The following PPFIA2 variants were observed in gnomAD, a reference collection of about 807,000 sequenced individuals.
The protein encoded by PPFIA2 is PPFI scaffold protein A2.
In PPFIA2, 46 loss-of-function variants were observed where a neutral mutation model predicts 175.5. The observed-to-expected ratio is 0.26, with a 90% CI of 0.21 to 0.34. The LOEUF is 0.34. Among genes scored for constraint, PPFIA2 ranks in the 10% least tolerant of loss-of-function variants. PPFIA2 has a pLI of 1.00. For synonymous variants in PPFIA2, 568 were observed against 511.4 expected, an observed-to-expected ratio of 1.11 and a Z score of -1.49; for missense variants, 1,179 against 1,506.1, an observed-to-expected ratio of 0.78 and a Z score of 3.60.
intron 3 of PPFIA2, among the ~76,000 whole-genome samples, chr12:81,740,461 T>C (rs1301468365): frequency 6.6e-6 from 1 of 152,172 alleles, no homozygotes. Context: ...AGGTGTGTGA[T>C]CTACTTAGAG....
chr12:81,748,573 C>T lies in PPFIA2; in HGVS notation c.249+5400G>A, dbSNP rs188250963. 1.4e-5 allele frequency among the ~76,000 whole-genome samples: 2 copies of T among 144,812 alleles called. 1 individual carries two copies. Among genetic ancestry groups the T allele is most frequent in the East Asian group, 4.3e-4 (2 of 4,690 alleles). Reference sequence around the variant, plus strand: ...ATGGCCCCAGTTGGCTCAGCCAAGGCTGTCCTGGATCAGAATCAGACAACA... The same window carrying T: ...ATGGCCCCAGTTGGCTCAGCCAAGGTTGTCCTGGATCAGAATCAGACAACA... On this transcript the variant is annotated intron_variant, in intron 3 of 32. Coordinates refer to ENST00000549396, the MANE Select transcript of PPFIA2 (RefSeq NM_003625.5).
chr12:81,536,133 T>C (rs1012990700), intron 4 of PPFIA2, among the ~76,000 whole-genome samples: 2 of 151,774 alleles, frequency 1.3e-5, no homozygotes, highest in African/African-American at 2.4e-5. Flanking sequence ...ACTATGAGAA[T>C]TAATTACCAA....
At position 81,281,283 on chromosome 12, in the gene PPFIA2, A is replaced by G; in HGVS notation, c.3186T>C (p.His1062=). Residue 1062 remains histidine (H), a synonymous_variant, in exon 27 of 33, where the codon CAT becomes CAC. Transcript: ENST00000549396. The part of the protein sequence containing the change: ...DHLTKKDLRV[H]LKMVDSFHRT... Reference sequence around the variant, plus strand: ...GATGGAAACTATCCACCATTTTTAAATGGACACGGAGATCTTTTTTTGTTA... The same window carrying G: ...GATGGAAACTATCCACCATTTTTAAGTGGACACGGAGATCTTTTTTTGTTA... 1 of 1,605,340 alleles carries G rather than the reference A, an allele frequency of 6.2e-7. No homozygotes were observed. The highest frequency in any genetic ancestry group is 2.2e-5 in the East Asian group (1 of 44,712).
At chr12:81,379,655 T>C (rs1485308830) in intron 9 of PPFIA2, among the ~76,000 whole-genome samples, 2 of 152,212 alleles carry the variant, frequency 1.3e-5, no homozygotes, top group African/African-American at 4.8e-5. Context: ...TTTTCTAATT[T>C]GAGTGCTGTG....
intron 4 of PPFIA2, among the ~76,000 whole-genome samples, chr12:81,507,746 G>A (rs779432529): frequency 1.2e-4 from 19 of 152,114 alleles, no homozygotes; most frequent in Non-Finnish European, 2.5e-4. Flanking sequence ...TACTGCTAGA[G>A]GAGTCCTTTT....
intron 5 of PPFIA2, among the ~76,000 whole-genome samples, chr12:81,446,471 A>T (rs1254400005): frequency 1.3e-5 from 2 of 152,134 alleles, no homozygotes; most frequent in Non-Finnish European, 2.9e-5. Context: ...GGGGTTTCAT[A>T]TTTGCTTTCA....
intron 4 of PPFIA2, among the ~76,000 whole-genome samples, chr12:81,618,109 T>C (rs144754975): frequency 6.6e-6 from 1 of 152,272 alleles, no homozygotes; most frequent in East Asian, 1.9e-4. Context: ...CAGTTAAGTG[T>C]CTGTGCAAAC....
chr12:81,570,637 T>C (rs2072338737), intron 4 of PPFIA2, among the ~76,000 whole-genome samples: 1 of 151,426 alleles, frequency 6.6e-6, no homozygotes, highest in South Asian at 2.1e-4. Flanking sequence ...TCATCAGTTG[T>C]GAAAATTTTT....
intron 15 of PPFIA2, among the ~76,000 whole-genome samples, chr12:81,359,711 CT>C (rs1442135842): frequency 1.3e-5 from 2 of 151,792 alleles, no homozygotes; most frequent in Non-Finnish European, 1.5e-5. Context: ...CTTAATGTCC[CT>C]TTAGGCATCA....
intron 3 of PPFIA2, among the ~76,000 whole-genome samples, chr12:81,726,736 A>T (rs778085381): frequency 2.6e-5 from 4 of 151,358 alleles, no homozygotes; most frequent in Non-Finnish European, 3.0e-5. Flanking sequence ...AAAAGATTAT[A>T]TGGCCTGCCT....
chr12:81,661,098 A>G (rs1184517511), intron 4 of PPFIA2, among the ~76,000 whole-genome samples: 1 of 152,242 alleles, frequency 6.6e-6, no homozygotes, highest in Non-Finnish European at 1.5e-5. Flanking sequence ...AAAACATGCC[A>G]AATTGTAAAG....
intron 3 of PPFIA2, among the ~76,000 whole-genome samples, chr12:81,704,211 A>G (rs1483928432): frequency 1.3e-5 from 2 of 152,162 alleles, no homozygotes; most frequent in Non-Finnish European, 2.9e-5. Flanking sequence ...TGTGCAAATT[A>G]TAACATTAAA....
At chr12:81,343,484 T>G (rs2058504700) in intron 19 of PPFIA2, among the ~76,000 whole-genome samples, 1 of 152,030 alleles carries the variant, frequency 6.6e-6, no homozygotes, top group Non-Finnish European at 1.5e-5. Flanking sequence ...GGTAATTCCA[T>G]CTATTCAAGC....
intron 2 of PPFIA2, among the ~76,000 whole-genome samples, chr12:81,755,593 GA>G (rs2084517374): frequency 6.6e-6 from 1 of 152,008 alleles, no homozygotes; most frequent in Non-Finnish European, 1.5e-5. Context: ...ATTGAGGAGC[GA>G]AATTCAATTA....
intron 24 of PPFIA2, among the ~76,000 whole-genome samples, chr12:81,285,818 A>T (rs10862279): frequency 0.7 from 106,049 of 151,944 alleles, 37,429 homozygotes; most frequent in Non-Finnish European, 0.76. Context: ...CATGATTTTT[A>T]AATCATTATT....
At chr12:81,465,961 G>A (rs1171636172) in intron 4 of PPFIA2, among the ~76,000 whole-genome samples, 1 of 152,150 alleles carries the variant, frequency 6.6e-6, no homozygotes, top group Non-Finnish European at 1.5e-5. Flanking sequence ...CAAATGCAGT[G>A]TTAATGACCT....
intron 4 of PPFIA2, among the ~76,000 whole-genome samples, chr12:81,503,776 A>C (rs2060844046): frequency 1.3e-5 from 2 of 152,092 alleles, no homozygotes; most frequent in African/African-American, 2.4e-5. Flanking sequence ...ATAGCCATGT[A>C]AATGCATATG....
At position 81,281,353 on chromosome 12, in the gene PPFIA2, C is replaced by G. The variant is rs1235755386; in HGVS notation, c.3116G>C (p.Ser1039Thr). ...LPSLGLPQYR[S>T]YFMECLVDAR... is the part of the protein sequence containing the mutation. Reference sequence around the variant, plus strand: ...ATCTACCAAGCATTCCATAAAGTAACTTCTGTACTGAGGTAACCCCAAGCT... The same window carrying G: ...ATCTACCAAGCATTCCATAAAGTAAGTTCTGTACTGAGGTAACCCCAAGCT... Residue 1039 changes from serine (S) to threonine (T), a missense_variant, in exon 27 of 33, where the codon AGT (serine) becomes ACT (threonine). Physicochemically the swap from Ser to Thr is moderately conservative, Grantham distance 58. Coordinates refer to ENST00000549396, the MANE Select transcript of PPFIA2 (RefSeq NM_003625.5). 1 of 1,610,554 alleles carries G rather than the reference C, an allele frequency of 6.2e-7. No homozygotes were observed. The highest frequency in any genetic ancestry group is 2.2e-5 in the East Asian group (1 of 44,784).
chr12:81,440,394 T>G (rs952075402), intron 6 of PPFIA2, among the ~76,000 whole-genome samples: 1 of 152,132 alleles, frequency 6.6e-6, no homozygotes, highest in African/African-American at 2.4e-5. Flanking sequence ...ATAGTCACTG[T>G]TTAAGCATGA....
Sources: gnomAD v4.1 joint callset for allele counts (sites outside exome capture counted in the v4.1 genomes callset) on GRCh38, gnomAD v4.1.1 for gene constraint, MANE v1.5 for transcripts, NCBI Gene and HGNC (gene_info 2026-07-23, HGNC 2026-07-21) for gene names.